The following MAGI1 variants were observed in gnomAD, a reference collection of about 807,000 sequenced individuals.
MAGI1 encodes membrane associated guanylate kinase, WW and PDZ domain containing 1, also known as membrane-associated guanylate kinase, WW and PDZ domain-containing protein 1.
A neutral mutation model predicts 139.9 loss-of-function variants in MAGI1; 58 were observed. That is an observed-to-expected ratio of 0.41 (90% CI 0.34 to 0.52). The LOEUF is 0.52. MAGI1 is among the 20% of genes least tolerant of loss of function. MAGI1 has a pLI of 0.12. For missense variants in MAGI1, 1,874 were observed against 1,901.6 expected (o/e 0.99, Z 0.27); for synonymous variants, 812 against 737.9 (o/e 1.10, Z -1.63).
At chr3:65,998,790 T>A (rs1472572510) in intron 1 of MAGI1, among the ~76,000 whole-genome samples, 1 of 152,130 alleles carries the variant, frequency 6.6e-6, no homozygotes, top group Non-Finnish European at 1.5e-5. Context: ...ATTCCTTTCA[T>A]CTAATGCAAA....
intron 2 of MAGI1, among the ~76,000 whole-genome samples, chr3:65,545,269 T>C (rs1382725446): frequency 6.6e-6 from 1 of 152,092 alleles, no homozygotes. Flanking sequence ...TGAAGTGGCA[T>C]AATGTCAGCC....
chr3:65,699,766 T>C (rs1412884148), intron 1 of MAGI1, among the ~76,000 whole-genome samples: 1 of 146,416 alleles, frequency 6.8e-6, no homozygotes, highest in East Asian at 2.1e-4. Context: ...TTGGGAGATA[T>C]ACCTAATGCT....
intron 1 of MAGI1, chr3:65,873,390 T>C (rs145779792): frequency 5.3e-5 from 8 of 152,258 alleles, no homozygotes; most frequent in Non-Finnish European, 8.8e-5. Flanking sequence ...ATAGTGTTCC[T>C]GTGATAACCC....
chr3:65,644,860 G>A (rs1415005091), intron 1 of MAGI1, among the ~76,000 whole-genome samples: 2 of 151,894 alleles, frequency 1.3e-5, no homozygotes, highest in East Asian at 3.9e-4. Context: ...AGGCTGGCAT[G>A]GTGACGCACA....
At chr3:65,519,505 C>T (rs1165764832) in intron 2 of MAGI1, among the ~76,000 whole-genome samples, 1 of 152,158 alleles carries the variant, frequency 6.6e-6, no homozygotes, top group East Asian at 1.9e-4. Context: ...CCTGCCTTAG[C>T]CTCCCGGGTA....
At chr3:65,578,628 C>G in intron 2 of MAGI1, among the ~76,000 whole-genome samples, 1 of 152,124 alleles carries the variant, frequency 6.6e-6, no homozygotes, top group East Asian at 1.9e-4. Context: ...TCAATGAGAA[C>G]AGATATTCAG....
At chr3:65,704,103 A>G (rs946960364) in intron 1 of MAGI1, among the ~76,000 whole-genome samples, 1 of 152,122 alleles carries the variant, frequency 6.6e-6, no homozygotes, top group Admixed American at 6.6e-5. Context: ...GGCATCACCA[A>G]TCCACTATTC....
At chr3:65,738,491 T>C (rs184938803) in intron 1 of MAGI1, among the ~76,000 whole-genome samples, 9 of 152,348 alleles carry the variant, frequency 5.9e-5, no homozygotes, top group Non-Finnish European at 1.0e-4. Flanking sequence ...ATGTTCTTAA[T>C]GGCCTCTAGA....
chr3:65,609,191 T>C (rs959098104), intron 2 of MAGI1, among the ~76,000 whole-genome samples: 2 of 152,144 alleles, frequency 1.3e-5, no homozygotes, highest in African/African-American at 2.4e-5. Flanking sequence ...GCGTGGTGCA[T>C]GTGTGTGCGT....
intron 2 of MAGI1, among the ~76,000 whole-genome samples, chr3:65,558,250 T>G (rs930183321): frequency 6.6e-6 from 1 of 152,222 alleles, no homozygotes; most frequent in African/African-American, 2.4e-5. Context: ...AATTGGTTGA[T>G]TTTTATTTTT....
At chr3:65,733,610 A>G (rs1215621888) in intron 1 of MAGI1, among the ~76,000 whole-genome samples, 2 of 152,222 alleles carry the variant, frequency 1.3e-5, no homozygotes, top group African/African-American at 4.8e-5. Flanking sequence ...TCAAAAAACC[A>G]TCTGGTTTAT....
At chr3:66,035,715 C>T (rs927475427) in intron 1 of MAGI1, among the ~76,000 whole-genome samples, 9 of 152,168 alleles carry the variant, frequency 5.9e-5, no homozygotes, top group Non-Finnish European at 1.0e-4. Flanking sequence ...TACACACACA[C>T]ACAGAAACAT....
chr3:65,977,426 C>A (rs1370616091), intron 1 of MAGI1, among the ~76,000 whole-genome samples: 1 of 152,092 alleles, frequency 6.6e-6, no homozygotes, highest in East Asian at 1.9e-4. Flanking sequence ...AAAATCAAAA[C>A]TCGGCCGGGC....
intron 1 of MAGI1, among the ~76,000 whole-genome samples, chr3:65,880,355 A>T (rs900265193): frequency 2.0e-5 from 3 of 152,242 alleles, no homozygotes; most frequent in Non-Finnish European, 4.4e-5. Context: ...TCATCATCAC[A>T]GTAGTAGCCA....
At chr3:66,025,367 T>A (rs530870134) in intron 1 of MAGI1, among the ~76,000 whole-genome samples, 12 of 141,772 alleles carry the variant, frequency 8.5e-5, no homozygotes, top group African/African-American at 3.4e-4. Flanking sequence ...AGTGAAACCC[T>A]GTCTCTACCC....
intron 22 of MAGI1, chr3:65,360,333 T>G (rs1266508470): frequency 2.0e-6 from 2 of 979,452 alleles, no homozygotes; most frequent in Non-Finnish European, 2.4e-6. Flanking sequence ...AAGCCCTACA[T>G]CTAGGGCATA....
At chr3:65,870,424 G>A (rs1349426497) in intron 1 of MAGI1, among the ~76,000 whole-genome samples, 1 of 152,054 alleles carries the variant, frequency 6.6e-6, no homozygotes, top group African/African-American at 2.4e-5. Context: ...GACCTAGAGG[G>A]CAAGGGTGTG....
At chr3:65,893,890 C>CCAGG (rs1175366846) in intron 1 of MAGI1, 1 of 152,128 alleles carries the variant, frequency 6.6e-6, no homozygotes, top group African/African-American at 2.4e-5. Context: ...ACTCAATGGC[C>CCAGG]CAGGGCTAGA....
rs560129423 is a variant in MAGI1 at position 66,021,657 on chromosome 3, C to T, written c.313+16339G>A. Among the ~76,000 whole-genome samples, 3 of 152,268 alleles carry T rather than the reference C, an allele frequency of 2.0e-5. No homozygotes were observed. In the South Asian group the frequency reaches 6.2e-4, roughly 32 times the overall value. The stretch of plus-strand genomic sequence containing the variant: ...CACTGGATTCACAGAGTCCACACCC[C>T]CAGGATTCTGATCCCGTAGGTCTGG... On this transcript the variant is annotated intron_variant, in intron 1 of 22. Transcript: ENST00000402939.
Sources: gnomAD v4.1 joint callset for allele counts (sites outside exome capture counted in the v4.1 genomes callset) on GRCh38, gnomAD v4.1.1 for gene constraint, MANE v1.5 for transcripts, NCBI Gene and HGNC (gene_info 2026-07-23, HGNC 2026-07-21) for gene names.